The following KCNQ3 variants were observed in gnomAD, a reference collection of about 807,000 sequenced individuals.
The protein encoded by KCNQ3 is potassium voltage-gated channel subfamily Q member 3.
A neutral mutation model predicts 92.5 loss-of-function variants in KCNQ3; 30 were observed. That is an observed-to-expected ratio of 0.32 (90% CI 0.24 to 0.44). The LOEUF is 0.44. Among genes scored for constraint, KCNQ3 ranks in the 20% least tolerant of loss-of-function variants. The pLI, the probability that KCNQ3 is intolerant of heterozygous loss-of-function variation, is 1.00. For missense variants in KCNQ3, 913 were observed against 1,140.3 expected (o/e 0.80, Z 2.87); for synonymous variants, 450 against 468.8 (o/e 0.96, Z 0.52).
rs373180414 is a variant in KCNQ3 at position 132,380,284 on chromosome 8, G to A, written c.386+99863C>T. The stretch of plus-strand genomic sequence containing the variant: ...CAGGCCAGTGAAGACCAAAGTGTAG[G>A]TTCTTGTGGGGCTACCACAGAGCAC... On this transcript the variant is annotated intron_variant, in intron 1 of 14. Transcript: ENST00000388996. Among the ~76,000 whole-genome samples the A allele has an allele frequency of 1.7e-4, 26 of 152,212 alleles. No homozygotes were observed. The East Asian group carries it at 3.1e-3, about 18-fold the overall frequency.
chr8:132,273,634 T>C (rs779340248), intron 1 of KCNQ3, among the ~76,000 whole-genome samples: 3 of 152,220 alleles, frequency 2.0e-5, no homozygotes, highest in Non-Finnish European at 2.9e-5. Flanking sequence ...GATTTTCTTT[T>C]CTAATGTATT....
rs543719185 is a variant in KCNQ3, at chr8:132,407,336, T to C, written c.386+72811A>G. The stretch of plus-strand genomic sequence containing the variant: ...ACTCAGGCTCTGAGACCATCTCTAG[T>C]GGACAAGGAGAGCAGAATCCCAAAA... On this transcript the variant is annotated intron_variant, in intron 1 of 14. Coordinates refer to ENST00000388996, the MANE Select transcript of KCNQ3 (RefSeq NM_004519.4). 1.9e-3 allele frequency among the ~76,000 whole-genome samples: 290 copies of C among 152,302 alleles called. 1 individual carries two copies. The highest frequency in any genetic ancestry group is 4.1e-3 in the South Asian group (20 of 4,830).
At chr8:132,187,855 A>ATAGTGATGGTGGTAGTGATAGTGATGG (rs60036560) in intron 1 of KCNQ3, among the ~76,000 whole-genome samples, 1 of 69,826 alleles carries the variant, frequency 1.4e-5, no homozygotes, top group Non-Finnish European at 2.9e-5. Flanking sequence ...GGTGGTAGTG[A>ATAGTGATGGTGGTAGTGATAGTGATGG]TGGTGGTGGT....
At chr8:132,202,237 C>T (rs1047166199) in intron 1 of KCNQ3, among the ~76,000 whole-genome samples, 2 of 152,152 alleles carry the variant, frequency 1.3e-5, no homozygotes, top group African/African-American at 2.4e-5. Context: ...GGAAATCTTG[C>T]TCTCAAAGTC....
intron 9 of KCNQ3, among the ~76,000 whole-genome samples, chr8:132,149,799 G>T (rs578044866): frequency 1.3e-5 from 2 of 152,216 alleles, no homozygotes; most frequent in African/African-American, 4.8e-5. Context: ...GCCATGCAGG[G>T]TAAGTATGAG....
chr8:132,431,114 C>T (rs1821238947), intron 1 of KCNQ3, among the ~76,000 whole-genome samples: 1 of 152,122 alleles, frequency 6.6e-6, no homozygotes, highest in Non-Finnish European at 1.5e-5. Flanking sequence ...CAGTGCCAAG[C>T]CCAGCTCATC....
chr8:132,369,663 T>C (rs1819419627), intron 1 of KCNQ3, among the ~76,000 whole-genome samples: 1 of 151,992 alleles, frequency 6.6e-6, no homozygotes, highest in Admixed American at 6.6e-5. Context: ...TTCCCAATGA[T>C]GAGGAACTGT....
At chr8:132,365,424 A>C (rs1220414478) in intron 1 of KCNQ3, among the ~76,000 whole-genome samples, 1 of 152,192 alleles carries the variant, frequency 6.6e-6, no homozygotes, top group Non-Finnish European at 1.5e-5. Flanking sequence ...GTGCCTGTGC[A>C]TGTTTTTTCT....
chr8:132,221,864 C>A (rs1033038921), intron 1 of KCNQ3, among the ~76,000 whole-genome samples: 1 of 152,006 alleles, frequency 6.6e-6, no homozygotes, highest in Non-Finnish European at 1.5e-5. Flanking sequence ...GCTAGCCATA[C>A]GTAGAAAACT....
At chr8:132,364,718 T>TGGATGGATGGAC (rs1300804244) in intron 1 of KCNQ3, among the ~76,000 whole-genome samples, 1 of 151,414 alleles carries the variant, frequency 6.6e-6, no homozygotes, top group African/African-American at 2.4e-5. Flanking sequence ...GATGGATGGA[T>TGGATGGATGGAC]GGACGATGAA....
At chr8:132,305,566 A>G (rs1267075443) in intron 1 of KCNQ3, among the ~76,000 whole-genome samples, 1 of 152,134 alleles carries the variant, frequency 6.6e-6, no homozygotes, top group Admixed American at 6.5e-5. Context: ...GGTTGCTTCA[A>G]CAGGAGGCAA....
intron 9 of KCNQ3, among the ~76,000 whole-genome samples, chr8:132,148,248 TTC>T (rs1379198989): frequency 6.6e-6 from 1 of 151,492 alleles, no homozygotes; most frequent in East Asian, 1.9e-4. Context: ...TGATGGTAAT[TTC>T]TTTTTCTTTT....
intron 1 of KCNQ3, among the ~76,000 whole-genome samples, chr8:132,444,366 G>A (rs998634875): frequency 1.3e-5 from 2 of 152,126 alleles, no homozygotes; most frequent in Admixed American, 1.3e-4. Context: ...TACAACTGGG[G>A]TCATCTGTCC....
Position 132,202,018 on chromosome 8 carries a change from C to A in KCNQ3, c.387-15837G>T, listed in dbSNP as rs368509263. Among the ~76,000 whole-genome samples the A allele has an allele frequency of 6.6e-5, 10 of 152,242 alleles. No individual in the cohort carries two copies. The South Asian group carries it at 1.5e-3, about 22-fold the overall frequency. On this transcript the variant is annotated intron_variant, in intron 1 of 14. Coordinates refer to ENST00000388996, the MANE Select transcript of KCNQ3 (RefSeq NM_004519.4). ...TTTCATGGTACGTTATCATGTATTT[C>A]TTCATTAATACTGCCAAGGTCCAGG... is the stretch of plus-strand genomic sequence containing the variant.
chr8:132,277,631 G>A (rs1383644799), intron 1 of KCNQ3, among the ~76,000 whole-genome samples: 1 of 151,996 alleles, frequency 6.6e-6, no homozygotes. Flanking sequence ...ATATTTTTTT[G>A]TCAACACATG....
intron 1 of KCNQ3, among the ~76,000 whole-genome samples, chr8:132,375,354 CT>C (rs1459660136): frequency 2.0e-5 from 3 of 151,818 alleles, no homozygotes; most frequent in African/African-American, 7.3e-5. Context: ...CTGTTTTTGC[CT>C]TTTGGGAAAT....
chr8:132,456,274 T>A (rs956493488), intron 1 of KCNQ3, among the ~76,000 whole-genome samples: 1 of 152,180 alleles, frequency 6.6e-6, no homozygotes, highest in Non-Finnish European at 1.5e-5. Flanking sequence ...AGCGACAAGT[T>A]GTGCAGCCTG....
In KCNQ3 at chr8:132,162,385, G is replaced by A. The variant is rs1826018483; in HGVS notation, c.1262+1083C>T. 2.6e-5 allele frequency among the ~76,000 whole-genome samples: 4 copies of A among 152,276 alleles called. No homozygotes were observed. In the South Asian group the frequency reaches 8.3e-4, roughly 32 times the overall value. ...AAGAACACCCTGTTGGGAGTCTTGA[G>A]ACCTTGATCATCTACTCCTGGTGCT... On this transcript the variant is annotated intron_variant, in intron 9 of 14. Coordinates refer to ENST00000388996, the MANE Select transcript of KCNQ3 (RefSeq NM_004519.4).
At chr8:132,216,182 T>C (rs1461024579) in intron 1 of KCNQ3, among the ~76,000 whole-genome samples, 1 of 151,968 alleles carries the variant, frequency 6.6e-6, no homozygotes, top group East Asian at 1.9e-4. Flanking sequence ...CCAAACCACA[T>C]GGGAATGTAA....
Sources: allele counts gnomAD v4.1 joint callset (sites outside exome capture counted in the v4.1 genomes callset), GRCh38; gene constraint gnomAD v4.1.1; transcripts MANE v1.5; gene names NCBI Gene and HGNC (gene_info 2026-07-23, HGNC 2026-07-21).